Variants in CDH20 observed in about 807,000 individuals in gnomAD.
The protein encoded by CDH20 is cadherin 20.
Under a neutral mutation model 74.2 loss-of-function variants are expected in CDH20, and 29 were observed. That is an observed-to-expected ratio of 0.39 (90% CI 0.29 to 0.53). The LOEUF is 0.53. Ranked by LOEUF, CDH20 falls within the 20% of genes least tolerant of loss-of-function variation. The pLI is 0.69. For synonymous variants in CDH20, 469 were observed against 405.4 expected (o/e 1.16, Z -1.88); for missense variants, 988 against 1,048.3 (o/e 0.94, Z 0.79).
chr18:61,344,412 C>T (rs1243234350), intron 1 of CDH20, among the ~76,000 whole-genome samples: 1 of 152,104 alleles, frequency 6.6e-6, no homozygotes, highest in Non-Finnish European at 1.5e-5. Flanking sequence ...CTGAGTCTGT[C>T]CAAAATTATG....
chr18:61,544,893 C>A, intron 9 of CDH20, 134 bp from the exon 10 acceptor site: 1 of 668,062 alleles, frequency 1.5e-6, no homozygotes, highest in South Asian at 1.7e-5. Context: ...TTTCCCTGCC[C>A]CTCTCCCATA....
Position 61,527,955 on chromosome 18 carries a change from A to T in CDH20, c.1018-12A>T, listed in dbSNP as rs767728896. 8.5e-5 allele frequency: 137 copies of T among 1,613,606 alleles called. 3 individuals carry two copies. The Middle Eastern group carries it at 1.8e-3, about 21-fold the overall frequency. On this transcript the variant is annotated splice_polypyrimidine_tract_variant and intron_variant, in intron 6 of 11. Transcript: ENST00000262717. ...TCAGTGGCGAATCAATTTTCCTGTC[A>T]TTGCTTTTCAGCCCCTGAGTTTTGA...
chr18:61,357,763 A>T (rs1339239451), intron 1 of CDH20, among the ~76,000 whole-genome samples: 3 of 151,984 alleles, frequency 2.0e-5, no homozygotes, highest in Non-Finnish European at 4.4e-5. Context: ...TGGGTACATG[A>T]CCCCCAAACA....
intron 1 of CDH20, among the ~76,000 whole-genome samples, chr18:61,403,529 C>T (rs140380524): frequency 6.6e-6 from 1 of 152,308 alleles, no homozygotes; most frequent in African/African-American, 2.4e-5. Flanking sequence ...ATTTCTACTT[C>T]AGTCATATAA....
At chr18:61,466,965 G>C (rs140827922) in intron 1 of CDH20, among the ~76,000 whole-genome samples, 1 of 152,132 alleles carries the variant, frequency 6.6e-6, no homozygotes, top group Non-Finnish European at 1.5e-5. Context: ...AGCAAACAAT[G>C]TGCTTGGCCT....
chr18:61,338,261 A>C (rs1489318880), intron 1 of CDH20, among the ~76,000 whole-genome samples: 2 of 152,126 alleles, frequency 1.3e-5, no homozygotes, highest in African/African-American at 2.4e-5. Context: ...ATATTACCAC[A>C]TTAAGTTATT....
At chr18:61,343,413 T>A (rs1910016432) in intron 1 of CDH20, among the ~76,000 whole-genome samples, 1 of 152,186 alleles carries the variant, frequency 6.6e-6, no homozygotes, top group Non-Finnish European at 1.5e-5. Context: ...AACACCAACA[T>A]GTGCCAGTGA....
At chr18:61,466,260 A>G (rs998574234) in intron 1 of CDH20, among the ~76,000 whole-genome samples, 1 of 152,190 alleles carries the variant, frequency 6.6e-6, no homozygotes, top group Non-Finnish European at 1.5e-5. Flanking sequence ...ACCGTTTTAC[A>G]AACAATTCCT....
At chr18:61,450,968 T>A (rs1909367103) in intron 1 of CDH20, among the ~76,000 whole-genome samples, 1 of 152,062 alleles carries the variant, frequency 6.6e-6, no homozygotes, top group Non-Finnish European at 1.5e-5. Context: ...GTTTGTGAAA[T>A]TAATTCTTAG....
intron 1 of CDH20, among the ~76,000 whole-genome samples, chr18:61,434,700 C>A (rs906261611): frequency 3.3e-5 from 5 of 152,262 alleles, no homozygotes; most frequent in Admixed American, 6.5e-5. Context: ...TGAGCCAGAA[C>A]TTTCTTCCTA....
intron 1 of CDH20, among the ~76,000 whole-genome samples, chr18:61,438,363 T>G (rs1183317075): frequency 1.4e-5 from 1 of 72,906 alleles, no homozygotes; most frequent in Non-Finnish European, 2.8e-5. Flanking sequence ...GGAGAAGGGT[T>G]CCTGGAGAGG....
intron 2 of CDH20, among the ~76,000 whole-genome samples, chr18:61,491,220 A>G (rs935813017): frequency 1.2e-5 from 1 of 80,786 alleles, no homozygotes; most frequent in African/African-American, 5.0e-5. Flanking sequence ...CTGAGGTGCA[A>G]ATTTAATGAA....
At chr18:61,524,768 AAAATT>A (rs1326538633) in intron 6 of CDH20, among the ~76,000 whole-genome samples, 1 of 152,192 alleles carries the variant, frequency 6.6e-6, no homozygotes, top group Non-Finnish European at 1.5e-5. Context: ...TGAAAATACA[AAAATT>A]AGCCAGGCGT....
rs1248525453 is a variant in CDH20 at position 61,555,328 on chromosome 18, G to A, written c.*633G>A. 1 of 985,440 alleles carries A rather than the reference G, an allele frequency of 1.0e-6. No individual in the cohort carries two copies. Among genetic ancestry groups the A allele is most frequent in the East Asian group, 1.1e-4 (1 of 8,820 alleles). 61.0% of individuals were successfully genotyped at this position (985,440 alleles called of 1,614,324 possible). A position where few individuals can be genotyped will look rare whatever the true frequency, so the allele number is the denominator to read the frequency against. On this transcript the variant is annotated 3_prime_UTR_variant, in exon 12 of 12. Transcript: ENST00000262717. ...GAAGAGACATTGACTTTATGCTCAA[G>A]TTTAGTGGCTGAACCAAGAGATGTT...
intron 1 of CDH20, among the ~76,000 whole-genome samples, chr18:61,358,202 C>T (rs1910560686): frequency 6.6e-6 from 1 of 151,322 alleles, no homozygotes; most frequent in African/African-American, 2.4e-5. Context: ...GCAAGCTCTG[C>T]CTCCTGGGTT....
chr18:61,449,855 C>A (rs1257122514), intron 1 of CDH20, among the ~76,000 whole-genome samples: 1 of 151,808 alleles, frequency 6.6e-6, no homozygotes, highest in Non-Finnish European at 1.5e-5. Flanking sequence ...AATCAAGAGT[C>A]TTGCATTCAA....
intron 1 of CDH20, among the ~76,000 whole-genome samples, chr18:61,374,966 A>T (rs899187456): frequency 6.6e-6 from 1 of 152,192 alleles, no homozygotes; most frequent in Non-Finnish European, 1.5e-5. Flanking sequence ...CAGCAAAAAG[A>T]TTAGATTAGT....
chr18:61,435,625 A>C (rs1908805716), intron 1 of CDH20, among the ~76,000 whole-genome samples: 1 of 152,060 alleles, frequency 6.6e-6, no homozygotes, highest in Non-Finnish European at 1.5e-5. Flanking sequence ...TATCAGAAGA[A>C]GCAGATTCAT....
chr18:61,411,542 G>A lies in CDH20; in HGVS notation c.-153+77715G>A, dbSNP rs565427624. On this transcript the variant is annotated intron_variant, in intron 1 of 11. Coordinates refer to ENST00000262717, the MANE Select transcript of CDH20 (RefSeq NM_031891.4). ...ATCAATGAGTGGATAAAGAAACTGC[G>A]ATGTGATATGTATGTGTATATATGT... Among the ~76,000 whole-genome samples the A allele has an allele frequency of 1.3e-4, 20 of 149,216 alleles. No homozygotes were observed. The East Asian group carries it at 1.6e-3, about 12-fold the overall frequency.
Sources: gnomAD v4.1 joint callset for allele counts (sites outside exome capture counted in the v4.1 genomes callset) on GRCh38, gnomAD v4.1.1 for gene constraint, MANE v1.5 for transcripts, NCBI Gene and HGNC (gene_info 2026-07-23, HGNC 2026-07-21) for gene names.